The following CCSER1 variants were observed in gnomAD, a reference collection of about 807,000 sequenced individuals.
CCSER1 encodes the protein serine-rich coiled-coil domain-containing protein 1.
Under a neutral mutation model 82.0 loss-of-function variants are expected in CCSER1, and 41 were observed. That is an observed-to-expected ratio of 0.50 (90% CI 0.39 to 0.65). CCSER1 has a LOEUF of 0.65. Among genes scored for constraint, CCSER1 ranks in the 30% least tolerant of loss-of-function variants. The pLI, the probability that CCSER1 is intolerant of heterozygous loss-of-function variation, is 0.00. For missense variants in CCSER1, 1,119 were observed against 1,064.2 expected (o/e 1.05, Z -0.72); for synonymous variants, 414 against 383.9 (o/e 1.08, Z -0.92).
chr4:91,426,739 T>G (rs971610858), intron 10 of CCSER1, among the ~76,000 whole-genome samples: 1 of 152,220 alleles, frequency 6.6e-6, no homozygotes, highest in Non-Finnish European at 1.5e-5. Flanking sequence ...CATATTTGTA[T>G]GTAAATTTTG....
intron 10 of CCSER1, among the ~76,000 whole-genome samples, chr4:91,149,354 G>T (rs1011954103): frequency 6.6e-6 from 1 of 152,162 alleles, no homozygotes; most frequent in Admixed American, 6.5e-5. Flanking sequence ...ATTTGTTTAA[G>T]TTCTTTGTAG....
intron 10 of CCSER1, among the ~76,000 whole-genome samples, chr4:91,531,900 A>G (rs1578713597): frequency 6.6e-6 from 1 of 152,144 alleles, no homozygotes; most frequent in African/African-American, 2.4e-5. Flanking sequence ...TTTAATAGAG[A>G]TAAGGTCTCA....
intron 3 of CCSER1, 127 bp downstream of exon 3, chr4:90,313,174 C>T: frequency 1.3e-6 from 1 of 792,186 alleles, no homozygotes. Context: ...AATTTGTTTC[C>T]ATAGTTGACA....
intron 9 of CCSER1, among the ~76,000 whole-genome samples, chr4:90,925,753 T>C (rs1728978589): frequency 6.6e-6 from 1 of 152,190 alleles, no homozygotes. Context: ...TCAATGTTCC[T>C]AGCTTGTTTC....
Position 91,156,558 on chromosome 4 carries a change from T to A in CCSER1, c.2217+70564T>A, listed in dbSNP as rs1023981085. On this transcript the variant is annotated intron_variant, in intron 10 of 10. Transcript: ENST00000509176. ...TAAATTATTAAATTAAAAATTAAAA[T>A]TATTAAGTTAAAAGAATTAAATTTT... Among the ~76,000 whole-genome samples the A allele has an allele frequency of 5.3e-5, 8 of 151,412 alleles. 1 individual carries two copies. Among genetic ancestry groups the A allele is most frequent in the Non-Finnish European group, 7.4e-5 (5 of 67,710 alleles).
chr4:90,352,026 A>T (rs1004586177), intron 3 of CCSER1, among the ~76,000 whole-genome samples: 1 of 152,180 alleles, frequency 6.6e-6, no homozygotes, highest in African/African-American at 2.4e-5. Context: ...TGTTCTCATT[A>T]AAAAATACGG....
intron 10 of CCSER1, among the ~76,000 whole-genome samples, chr4:91,491,378 A>G (rs1293060686): frequency 6.6e-6 from 1 of 152,108 alleles, no homozygotes; most frequent in Non-Finnish European, 1.5e-5. Flanking sequence ...AAATGAGAAA[A>G]TGAACACAAA....
intron 9 of CCSER1, among the ~76,000 whole-genome samples, chr4:91,043,611 G>T (rs1446982874): frequency 1.6e-5 from 2 of 127,720 alleles, no homozygotes; most frequent in African/African-American, 5.8e-5. Flanking sequence ...TTTTTTTGAG[G>T]CGGAGTCTTG....
At chr4:90,162,313 A>G (rs909471891) in intron 1 of CCSER1, among the ~76,000 whole-genome samples, 10 of 152,108 alleles carry the variant, frequency 6.6e-5, no homozygotes, top group South Asian at 4.1e-4. Flanking sequence ...TCTGATCACA[A>G]TAAATGCTAA....
At chr4:90,804,014 T>C (rs1757177441) in intron 7 of CCSER1, among the ~76,000 whole-genome samples, 1 of 152,242 alleles carries the variant, frequency 6.6e-6, no homozygotes, top group South Asian at 2.1e-4. Context: ...TGTCTTCTTT[T>C]GAGAAATGTC....
chr4:90,331,917 A>G (rs1739357589), intron 3 of CCSER1, among the ~76,000 whole-genome samples: 1 of 152,126 alleles, frequency 6.6e-6, no homozygotes, highest in Admixed American at 6.5e-5. Context: ...ACTTGTAGGA[A>G]GTAGAACTCA....
chr4:90,401,804 C>A (rs1752916107), intron 4 of CCSER1, among the ~76,000 whole-genome samples: 1 of 152,204 alleles, frequency 6.6e-6, no homozygotes, highest in Non-Finnish European at 1.5e-5. Context: ...GCAGGGATTA[C>A]AAGTTTGAGT....
intron 10 of CCSER1, among the ~76,000 whole-genome samples, chr4:91,535,943 T>G (rs1761275788): frequency 6.6e-6 from 1 of 152,110 alleles, no homozygotes; most frequent in African/African-American, 2.4e-5. Context: ...CTTTCCCTTT[T>G]GTCCTCTCTT....
At chr4:91,591,859 C>A (rs1395601601) in intron 10 of CCSER1, among the ~76,000 whole-genome samples, 3 of 152,084 alleles carry the variant, frequency 2.0e-5, no homozygotes, top group Non-Finnish European at 2.9e-5. Flanking sequence ...ACAGTATTGA[C>A]AAAATACACT....
At chr4:90,780,342 A>T in intron 7 of CCSER1, 1 of 1,212,532 alleles carries the variant, frequency 8.2e-7, no homozygotes, top group Non-Finnish European at 1.2e-6. Context: ...AATTATCTTT[A>T]AGAACATTTA....
chr4:90,535,421 C>T (rs1202945961), intron 5 of CCSER1, among the ~76,000 whole-genome samples: 1 of 151,230 alleles, frequency 6.6e-6, no homozygotes, highest in Admixed American at 6.6e-5. Flanking sequence ...CCCATTAATA[C>T]AAAAAACAAA....
chr4:91,259,693 T>C (rs1740964234), intron 10 of CCSER1, among the ~76,000 whole-genome samples: 2 of 152,060 alleles, frequency 1.3e-5, no homozygotes, highest in South Asian at 4.1e-4. Flanking sequence ...CATGCAGTGT[T>C]TGATTTTCTG....
At chr4:91,396,353 G>C (rs1441605103) in intron 10 of CCSER1, among the ~76,000 whole-genome samples, 1 of 152,052 alleles carries the variant, frequency 6.6e-6, no homozygotes, top group East Asian at 1.9e-4. Flanking sequence ...TTTTAAGTCT[G>C]ATGATGATAT....
At chr4:91,066,730 A>G (rs973253635) in intron 9 of CCSER1, among the ~76,000 whole-genome samples, 1 of 152,196 alleles carries the variant, frequency 6.6e-6, no homozygotes, top group African/African-American at 2.4e-5. Context: ...CCAATAAAAT[A>G]AAGTGGAGTG....
Sources: allele counts gnomAD v4.1 joint callset (sites outside exome capture counted in the v4.1 genomes callset), GRCh38; gene constraint gnomAD v4.1.1; transcripts MANE v1.5; gene names NCBI Gene and HGNC (gene_info 2026-07-23, HGNC 2026-07-21).